Variants in PLSCR4 observed in about 807,000 individuals in gnomAD.
PLSCR4 encodes the protein phospholipid scramblase 4, also known as Ca(2+)-dependent phospholipid scramblase 4.
A neutral mutation model predicts 36.3 loss-of-function variants in PLSCR4; 25 were observed. The ratio of observed to expected loss-of-function variants is 0.69; its 90% CI spans 0.50 to 0.96. PLSCR4 has a LOEUF of 0.96. PLSCR4 is among the 40% of genes least tolerant of loss of function. The pLI is 0.00. For synonymous variants in PLSCR4, 122 were observed against 132.9 expected, an observed-to-expected ratio of 0.92 and a Z score of 0.56; for missense variants, 408 against 414.7, an observed-to-expected ratio of 0.98 and a Z score of 0.14.
intron 3 of PLSCR4, among the ~76,000 whole-genome samples, chr3:146,213,258 A>G (rs1459754318): frequency 6.6e-6 from 1 of 151,376 alleles, no homozygotes; most frequent in Non-Finnish European, 1.5e-5. Context: ...GGAAGAATTC[A>G]TTCTTCTTTC....
intron 3 of PLSCR4, among the ~76,000 whole-genome samples, chr3:146,220,158 T>C (rs1455535956): frequency 6.6e-6 from 1 of 152,214 alleles, no homozygotes; most frequent in Non-Finnish European, 1.5e-5. Context: ...GTAAGGGCAC[T>C]TTTAATTTTT....
intron 1 of PLSCR4, among the ~76,000 whole-genome samples, chr3:146,227,520 A>G (rs1302697299): frequency 6.6e-6 from 1 of 152,218 alleles, no homozygotes; most frequent in Non-Finnish European, 1.5e-5. Context: ...TCACCACTGT[A>G]AACAGTGACA....
chr3:146,218,530 T>C (rs1274386034), intron 3 of PLSCR4, among the ~76,000 whole-genome samples: 2 of 151,694 alleles, frequency 1.3e-5, no homozygotes, highest in African/African-American at 2.4e-5. Context: ...TACATATTTA[T>C]GTAATTGAAC....
chr3:146,227,004 A>G (rs878899292), intron 1 of PLSCR4, among the ~76,000 whole-genome samples: 3 of 152,142 alleles, frequency 2.0e-5, no homozygotes, highest in Admixed American at 2.0e-4. Flanking sequence ...ATTTTACAAT[A>G]TAGTTTTAGC....
chr3:146,240,386 G>A (rs115311355), intron 1 of PLSCR4, among the ~76,000 whole-genome samples: 2,564 of 152,292 alleles, frequency 0.017, 78 homozygotes, highest in African/African-American at 0.058. Flanking sequence ...AAGGTGGGAG[G>A]ATTCCTTAAG....
rs1304725626 is a variant in PLSCR4 at position 146,211,595 on chromosome 3, C to G, written c.119-4834G>C. On this transcript the variant is annotated intron_variant, in intron 3 of 8. Coordinates refer to ENST00000354952, the MANE Select transcript of PLSCR4 (RefSeq NM_020353.3). ...GTTGGTTGTTTGTGCTTTAGAGTGT[C>G]ATATCATATCTAAGAAACTATTGCC... Among the ~76,000 whole-genome samples the G allele has an allele frequency of 2.0e-5, 3 of 152,002 alleles. No individual in the cohort carries two copies. The East Asian group carries it at 5.8e-4, about 29-fold the overall frequency.
At chr3:146,243,120 G>GT (rs1167944392) in intron 1 of PLSCR4, among the ~76,000 whole-genome samples, 1 of 152,084 alleles carries the variant, frequency 6.6e-6, no homozygotes, top group Admixed American at 6.6e-5. Flanking sequence ...AAAAAAATTT[G>GT]TAAGAATTAG....
At chr3:146,210,990 T>C (rs903995541) in intron 3 of PLSCR4, among the ~76,000 whole-genome samples, 8 of 152,158 alleles carry the variant, frequency 5.3e-5, no homozygotes, top group South Asian at 2.1e-4. Context: ...TCAATGGACA[T>C]TTAGGTTGCT....
At chr3:146,207,546 G>A (rs2034405313) in intron 3 of PLSCR4, among the ~76,000 whole-genome samples, 1 of 152,018 alleles carries the variant, frequency 6.6e-6, no homozygotes, top group South Asian at 2.1e-4. Flanking sequence ...AAGGGGGAGA[G>A]AGAGAGACAG....
At chr3:146,194,489 T>TCTAC in intron 8 of PLSCR4, 34 bp from the exon 9 acceptor site, 8 of 1,298,248 alleles carry the variant, frequency 6.2e-6, no homozygotes, top group Non-Finnish European at 9.0e-6. Flanking sequence ...TGTAGATATA[T>TCTAC]AGATAATTAG....
chr3:146,209,562 A>G (rs923879363), intron 3 of PLSCR4, among the ~76,000 whole-genome samples: 1 of 152,130 alleles, frequency 6.6e-6, no homozygotes, highest in Non-Finnish European at 1.5e-5. Context: ...AAGTCAAAGA[A>G]TTGCCAACAA....
intron 3 of PLSCR4, among the ~76,000 whole-genome samples, chr3:146,210,781 T>C (rs1167418764): frequency 1.3e-5 from 2 of 151,112 alleles, no homozygotes; most frequent in Non-Finnish European, 3.0e-5. Context: ...AAACCACTAC[T>C]ATCTGTGGAT....
intron 4 of PLSCR4, 28 bp downstream of exon 4, chr3:146,206,498 G>A (rs926748868): frequency 6.6e-7 from 1 of 1,522,860 alleles, no homozygotes; most frequent in South Asian, 1.1e-5. Flanking sequence ...CATTTCATAA[G>A]AAAATAATTT....
intron 1 of PLSCR4, among the ~76,000 whole-genome samples, chr3:146,229,313 ACAT>A (rs1944532816): frequency 6.6e-6 from 1 of 152,098 alleles, no homozygotes; most frequent in South Asian, 2.1e-4. Context: ...GCTTTGAGTA[ACAT>A]CATATTTGCC....
intron 1 of PLSCR4, among the ~76,000 whole-genome samples, chr3:146,236,811 C>T (rs924122279): frequency 1.3e-5 from 2 of 151,830 alleles, no homozygotes; most frequent in African/African-American, 4.8e-5. Context: ...CTAAAAGAAA[C>T]TAACTTCAAA....
intron 1 of PLSCR4, among the ~76,000 whole-genome samples, chr3:146,236,490 G>T (rs1223366703): frequency 6.6e-6 from 1 of 152,056 alleles, no homozygotes; most frequent in Admixed American, 6.6e-5. Context: ...GTTGTGGGAG[G>T]GACCCAGTGG....
At position 146,199,948 on chromosome 3, in the gene PLSCR4, A is replaced by T; in HGVS notation, c.489T>A (p.Phe163Leu). Residue 163 changes from phenylalanine (F) to leucine (L), a missense_variant, in exon 6 of 9, where the codon TTT becomes TTA. Phe to Leu is a conservative substitution (Grantham distance 22). Transcript: ENST00000354952. ...VYIVTEDTDD[F>L]TRNAYRTLRP... is the part of the protein sequence containing the mutation. ...TTAGTGTCCGATAGGCATTCCTGGT[A>T]AAGTCATCTGTGTCTTCGGTTACAA... 6.2e-7 allele frequency: 1 copy of T among 1,613,452 alleles called. No individual in the cohort carries two copies. The highest frequency in any genetic ancestry group is 8.5e-7 in the Non-Finnish European group (1 of 1,179,584).
At chr3:146,223,441 C>G (rs942553775) in intron 1 of PLSCR4, among the ~76,000 whole-genome samples, 1 of 152,142 alleles carries the variant, frequency 6.6e-6, no homozygotes, top group Non-Finnish European at 1.5e-5. Context: ...GTGTAAATGG[C>G]CAACCCTGCT....
chr3:146,229,010 G>A (rs2035587417), intron 1 of PLSCR4, among the ~76,000 whole-genome samples: 1 of 152,108 alleles, frequency 6.6e-6, no homozygotes, highest in African/African-American at 2.4e-5. Context: ...GTATCTACTA[G>A]ATGTTCCTAA....
Sources: gnomAD v4.1 joint callset for allele counts (sites outside exome capture counted in the v4.1 genomes callset) on GRCh38, gnomAD v4.1.1 for gene constraint, MANE v1.5 for transcripts, NCBI Gene and HGNC (gene_info 2026-07-23, HGNC 2026-07-21) for gene names.